TMEM132D: variants seen among roughly 807,000 people sequenced by gnomAD.
TMEM132D encodes mature OL transmembrane protein.
Under a neutral mutation model 62.3 loss-of-function variants are expected in TMEM132D, and 21 were observed. That is an observed-to-expected ratio of 0.34 (90% confidence interval 0.24 to 0.49). The LOEUF (loss-of-function observed/expected upper bound fraction) is 0.49, where lower values mean the gene tolerates loss of function less well. TMEM132D is among the 20% of genes least tolerant of loss of function. The pLI is 0.99. For synonymous variants in TMEM132D, 621 were observed against 575.6 expected (o/e 1.08, Z -1.13); for missense variants, 1,346 against 1,402.8 (o/e 0.96, Z 0.65).
intron 1 of TMEM132D, among the ~76,000 whole-genome samples, chr12:129,891,579 C>A (rs961692228): frequency 1.3e-5 from 2 of 152,174 alleles, no homozygotes; most frequent in East Asian, 1.9e-4. Context: ...CAGGAAAGAA[C>A]TTGGCAGCGA....
rs369022824 is a variant in TMEM132D, at chr12:129,518,395, T to A, written c.1115+12664A>T. On this transcript the variant is annotated intron_variant, in intron 3 of 8. Transcript: ENST00000422113. ...ACAGTGCCTAGCACATGGTAGGTTC[T>A]CAAAATTTTATGGTTTGAATTCAGG... Among the ~76,000 whole-genome samples, 61 of 152,268 alleles carry A rather than the reference T, an allele frequency of 4.0e-4. 1 individual carries two copies. In the East Asian group the frequency reaches 0.011, roughly 27 times the overall value.
intron 1 of TMEM132D, among the ~76,000 whole-genome samples, chr12:129,706,746 A>C (rs1395456034): frequency 6.6e-6 from 1 of 152,014 alleles, no homozygotes; most frequent in Non-Finnish European, 1.5e-5. Flanking sequence ...GAAATAATTT[A>C]AATGATATTC....
At chr12:129,306,386 G>C (rs919990736) in intron 4 of TMEM132D, among the ~76,000 whole-genome samples, 4 of 152,182 alleles carry the variant, frequency 2.6e-5, no homozygotes, top group African/African-American at 4.8e-5. Flanking sequence ...AGCATAACAT[G>C]CCTTCCATAA....
chr12:129,268,200 G>C (rs7310553), intron 4 of TMEM132D, among the ~76,000 whole-genome samples: 13,911 of 152,142 alleles, frequency 0.091, 795 homozygotes, highest in Admixed American at 0.18. Context: ...TAATTAAACT[G>C]AAGAGCTTCT....
At position 129,827,295 on chromosome 12, in the gene TMEM132D, G is replaced by A. The variant is rs1250805111; in HGVS notation, c.79+75966C>T. On this transcript the variant is annotated intron_variant, in intron 1 of 8. Transcript: ENST00000422113. This position sits in a 1 kb window ranked among gnomAD's most constrained non-coding sequence, Gnocchi z 9.7. ...GAGGCTTGAAGAAACTAAGTAATTT[G>A]CCCAACAGCACCCAGTTAACAAAGG... Among the ~76,000 whole-genome samples the A allele has an allele frequency of 6.6e-6, 1 of 152,012 alleles. No homozygotes were observed. Among genetic ancestry groups the A allele is most frequent in the South Asian group, 2.1e-4 (1 of 4,818 alleles).
chr12:129,111,491 C>T (rs1304449334), intron 5 of TMEM132D: 1 of 152,222 alleles, frequency 6.6e-6, no homozygotes, highest in Non-Finnish European at 1.5e-5. Context: ...TTCTGACGGA[C>T]TGCTTCTCAT....
intron 1 of TMEM132D, among the ~76,000 whole-genome samples, chr12:129,817,451 A>G (rs1298920824): frequency 7.4e-6 from 1 of 135,374 alleles, no homozygotes; most frequent in Admixed American, 7.7e-5. Context: ...TGGGGCACCA[A>G]CCGCTCGCTC....
intron 5 of TMEM132D, among the ~76,000 whole-genome samples, chr12:129,188,981 C>G (rs1472271581): frequency 6.6e-6 from 1 of 152,124 alleles, no homozygotes; most frequent in African/African-American, 2.4e-5. Context: ...CCTGGAGGAC[C>G]TACAGTGCCA....
intron 1 of TMEM132D, among the ~76,000 whole-genome samples, chr12:129,828,662 G>A (rs1285295090): frequency 1.2e-5 from 1 of 81,358 alleles, no homozygotes; most frequent in East Asian, 3.5e-4. Flanking sequence ...AGAAAGGGAA[G>A]GAAGGAAAGG....
At chr12:129,229,305 T>G (rs1283516439) in intron 4 of TMEM132D, among the ~76,000 whole-genome samples, 1 of 152,224 alleles carries the variant, frequency 6.6e-6, no homozygotes, top group Admixed American at 6.5e-5. Flanking sequence ...TTGAGTACAC[T>G]CAGCATATAT....
At chr12:129,902,575 A>T (rs1186942679) in intron 1 of TMEM132D, among the ~76,000 whole-genome samples, 1 of 152,212 alleles carries the variant, frequency 6.6e-6, no homozygotes, top group Non-Finnish European at 1.5e-5. Flanking sequence ...CATGGCTTCA[A>T]GTCAGGGCTC....
intron 2 of TMEM132D, among the ~76,000 whole-genome samples, chr12:129,697,251 T>C (rs1286867501): frequency 6.6e-6 from 1 of 152,216 alleles, no homozygotes; most frequent in East Asian, 1.9e-4. Flanking sequence ...TTGAGGGTTA[T>C]TTATAGCAGA....
intron 3 of TMEM132D, among the ~76,000 whole-genome samples, chr12:129,480,766 G>T (rs1220864445): frequency 6.6e-6 from 1 of 152,144 alleles, no homozygotes; most frequent in Non-Finnish European, 1.5e-5. Flanking sequence ...GCTCTTCTGC[G>T]TTGCTGTTGT....
intron 2 of TMEM132D, among the ~76,000 whole-genome samples, chr12:129,695,651 G>C (rs561937518): frequency 6.6e-6 from 1 of 152,242 alleles, no homozygotes; most frequent in South Asian, 2.1e-4. Context: ...AGGGTAATTC[G>C]AGGAACCATT....
chr12:129,443,207 T>C (rs1487713043), intron 3 of TMEM132D, among the ~76,000 whole-genome samples: 1 of 152,172 alleles, frequency 6.6e-6, no homozygotes, highest in Non-Finnish European at 1.5e-5. Context: ...CAAAGCACCC[T>C]GCACACAAAT....
At chr12:129,680,689 T>C (rs530638890) in intron 2 of TMEM132D, among the ~76,000 whole-genome samples, 56 of 152,292 alleles carry the variant, frequency 3.7e-4, no homozygotes, top group African/African-American at 1.3e-3. Flanking sequence ...AGAAGAACTT[T>C]AGTATCGGTA....
chr12:129,704,386 T>C (rs1477341973), intron 1 of TMEM132D, among the ~76,000 whole-genome samples: 3 of 152,202 alleles, frequency 2.0e-5, no homozygotes, highest in Non-Finnish European at 4.4e-5. Context: ...GCAACCAGCT[T>C]TGCCATCAGC....
chr12:129,884,687 C>T (rs76526643), intron 1 of TMEM132D, among the ~76,000 whole-genome samples: 2,096 of 152,344 alleles, frequency 0.014, 61 homozygotes, highest in African/African-American at 0.048. Context: ...ATGGTTCAAC[C>T]ATTTTGCAAA....
chr12:129,807,557 A>G (rs761791100), intron 1 of TMEM132D, among the ~76,000 whole-genome samples: 14 of 152,248 alleles, frequency 9.2e-5, no homozygotes, highest in African/African-American at 1.7e-4. Flanking sequence ...ATGCTCATGT[A>G]TAAACTGCTT....
Sources: allele counts gnomAD v4.1 joint callset (sites outside exome capture counted in the v4.1 genomes callset), GRCh38; gene constraint gnomAD v4.1.1; non-coding constraint Gnocchi (gnomAD v3.1); transcripts MANE v1.5; gene names NCBI Gene and HGNC (gene_info 2026-07-23, HGNC 2026-07-21).